SGK1: variants seen among roughly 807,000 people sequenced by gnomAD.
SGK1 encodes serum/glucocorticoid regulated kinase 1.
A neutral mutation model predicts 64.2 loss-of-function variants in SGK1; 26 were observed. The observed-to-expected ratio is 0.40, with a 90% CI of 0.30 to 0.56. The LOEUF (loss-of-function observed/expected upper bound fraction) is 0.56, where lower values mean the gene tolerates loss of function less well. Among genes scored for constraint, SGK1 ranks in the 20% least tolerant of loss-of-function variants. The probability of loss-of-function intolerance (pLI) is 0.38; values close to 1 mark genes in which losing one functional copy is unlikely to be tolerated. For missense variants in SGK1, 519 were observed against 645.6 expected (o/e 0.80, Z 2.12); for synonymous variants, 265 against 239.7 (o/e 1.11, Z -0.98).
chr6:134,184,504 CAAA>C (rs1162404618), intron 3 of SGK1, among the ~76,000 whole-genome samples: 2,700 of 63,366 alleles, frequency 0.043, 71 homozygotes, highest in African/African-American at 0.15. Flanking sequence ...GACTCCATCT[CAAA>C]AAAAAAAAAA....
At chr6:134,272,729 T>C (rs1472867124) in intron 1 of SGK1, among the ~76,000 whole-genome samples, 3 of 148,036 alleles carry the variant, frequency 2.0e-5, no homozygotes, top group East Asian at 2.4e-4. Flanking sequence ...TAAATGGCAA[T>C]TTGTTCATTA....
In SGK1 at chr6:134,312,344, T is replaced by G. The variant is rs565589963; in HGVS notation, c.69+5048A>C. On this transcript the variant is annotated intron_variant, in intron 1 of 13. Transcript: ENST00000367858. ...CTTTGTTATTCCAATTTGGATACTT[T>G]AAGCAGGCAAAATAGAACAGTAAAA... Among the ~76,000 whole-genome samples the G allele has an allele frequency of 7.6e-4, 116 of 152,326 alleles. 1 individual carries two copies. Among genetic ancestry groups the G allele is most frequent in the African/African-American group, 2.6e-3 (107 of 41,574 alleles).
At chr6:134,253,348 G>T (rs1020798565) in intron 2 of SGK1, among the ~76,000 whole-genome samples, 4 of 151,430 alleles carry the variant, frequency 2.6e-5, no homozygotes, top group Non-Finnish European at 4.4e-5. Context: ...GCCCAGGCAG[G>T]TCTCGAACTC....
chr6:134,171,002 G>A, intron 12 of SGK1, 21 bp downstream of exon 12: 1 of 1,613,920 alleles, frequency 6.2e-7, no homozygotes, highest in Middle Eastern at 1.6e-4. Flanking sequence ...CGGCCCAGGA[G>A]GACAGGAAAA....
At position 134,188,633 on chromosome 6, in the gene SGK1, A is replaced by G. The variant is rs59815138; in HGVS notation, c.362-14047T>C. Among the ~76,000 whole-genome samples, 103 of 152,248 alleles carry G rather than the reference A, an allele frequency of 6.8e-4. 1 individual carries two copies. In the East Asian group the frequency reaches 0.018, roughly 26 times the overall value. On this transcript the variant is annotated intron_variant, in intron 3 of 13. Transcript: ENST00000367858. Reference sequence around the variant, plus strand: ...CACAGAGACATGAAAACAATAATCCACCAACTTCATACTAAGCAATAAACA... The same window carrying G: ...CACAGAGACATGAAAACAATAATCCGCCAACTTCATACTAAGCAATAAACA...
chr6:134,192,071 C>T (rs1775521720), intron 3 of SGK1, among the ~76,000 whole-genome samples: 3 of 151,962 alleles, frequency 2.0e-5, no homozygotes, highest in Non-Finnish European at 2.9e-5. Flanking sequence ...CCTCGTGATC[C>T]GCCCGCCTTG....
At position 134,273,099 on chromosome 6, in the gene SGK1, A is replaced by C. The variant is rs978077036; in HGVS notation, c.70-10951T>G. ...CTGCCCTTGTAAAATGGAGATAATA[A>C]TTATGCCTACTTTACAAGGGTTTTG... is the stretch of plus-strand genomic sequence containing the variant. On this transcript the variant is annotated intron_variant, in intron 1 of 13. Transcript: ENST00000367858. Among the ~76,000 whole-genome samples, 44 of 148,092 alleles carry C rather than the reference A, an allele frequency of 3.0e-4. 3 individuals carry two copies. Among genetic ancestry groups the C allele is most frequent in the Non-Finnish European group, 5.8e-4 (39 of 66,808 alleles).
intron 3 of SGK1, among the ~76,000 whole-genome samples, chr6:134,181,365 G>A (rs1775328596): frequency 6.6e-6 from 1 of 151,480 alleles, no homozygotes; most frequent in Non-Finnish European, 1.5e-5. Flanking sequence ...TTTTTGAGAC[G>A]GAGGAGTCTT....
intron 2 of SGK1, among the ~76,000 whole-genome samples, chr6:134,233,541 A>G (rs2096139635): frequency 6.6e-6 from 1 of 152,240 alleles, no homozygotes; most frequent in African/African-American, 2.4e-5. Flanking sequence ...CCAATACTGA[A>G]TATGCCAGAC....
intron 3 of SGK1, among the ~76,000 whole-genome samples, chr6:134,206,685 G>A (rs1582710492): frequency 1.3e-5 from 2 of 151,028 alleles, no homozygotes; most frequent in Non-Finnish European, 3.0e-5. Context: ...TGGCTAACAT[G>A]GTGAAACCCT....
chr6:134,300,398 G>A (rs537844081), intron 1 of SGK1, among the ~76,000 whole-genome samples: 2 of 151,682 alleles, frequency 1.3e-5, no homozygotes, highest in East Asian at 4.0e-4. Flanking sequence ...AATTAGCCAG[G>A]CGTGTGGCGG....
intron 2 of SGK1, among the ~76,000 whole-genome samples, chr6:134,232,776 C>T (rs1037696440): frequency 1.3e-5 from 2 of 150,154 alleles, no homozygotes; most frequent in African/African-American, 4.9e-5. Flanking sequence ...TACTTGAACC[C>T]GGGAGGCAGA....
At chr6:134,183,695 G>C (rs1775368448) in intron 3 of SGK1, among the ~76,000 whole-genome samples, 1 of 152,048 alleles carries the variant, frequency 6.6e-6, no homozygotes, top group Non-Finnish European at 1.5e-5. Flanking sequence ...GTGCTGGAAA[G>C]TCTTCTGCAG....
At chr6:134,295,465 A>G (rs1777333837) in intron 1 of SGK1, among the ~76,000 whole-genome samples, 1 of 152,186 alleles carries the variant, frequency 6.6e-6, no homozygotes, top group African/African-American at 2.4e-5. Context: ...GCACTTTGGG[A>G]CGCCAAGGCA....
intron 3 of SGK1, among the ~76,000 whole-genome samples, chr6:134,194,824 A>C (rs987422169): frequency 6.6e-6 from 1 of 152,170 alleles, no homozygotes; most frequent in African/African-American, 2.4e-5. Context: ...CACCCGGCCT[A>C]CAAGTTTTTC....
chr6:134,290,022 G>A (rs1177177415), intron 1 of SGK1, among the ~76,000 whole-genome samples: 4 of 151,634 alleles, frequency 2.6e-5, no homozygotes, highest in Non-Finnish European at 5.9e-5. Context: ...GTGGTGGCAG[G>A]CACTTGTAAT....
chr6:134,235,729 G>A (rs1213295235), intron 2 of SGK1, among the ~76,000 whole-genome samples: 1 of 151,728 alleles, frequency 6.6e-6, no homozygotes, highest in African/African-American at 2.4e-5. Flanking sequence ...GCACCACCAT[G>A]CCTGGCTAAT....
At chr6:134,227,424 G>A (rs1562258006) in intron 2 of SGK1, among the ~76,000 whole-genome samples, 1 of 152,212 alleles carries the variant, frequency 6.6e-6, no homozygotes, top group Non-Finnish European at 1.5e-5. Flanking sequence ...GTGGGCCACC[G>A]TGCCTGGCTG....
chr6:134,260,459 G>A (rs892007091), intron 2 of SGK1: 1 of 147,326 alleles, frequency 6.8e-6, no homozygotes, highest in East Asian at 2.0e-4. Flanking sequence ...ATTACCTGAG[G>A]TTGGGAGTTT....
Sources: allele counts gnomAD v4.1 joint callset (sites outside exome capture counted in the v4.1 genomes callset), GRCh38; gene constraint gnomAD v4.1.1; transcripts MANE v1.5; gene names NCBI Gene and HGNC (gene_info 2026-07-23, HGNC 2026-07-21).